CSMD1: variants seen among roughly 807,000 people sequenced by gnomAD.
CSMD1 encodes the protein CUB and Sushi multiple domains 1.
Under a neutral mutation model 417.5 loss-of-function variants are expected in CSMD1, and 213 were observed. The observed-to-expected ratio is 0.51, with a 90% confidence interval of 0.46 to 0.57. The LOEUF (loss-of-function observed/expected upper bound fraction) is 0.57. Ranked by LOEUF, CSMD1 falls within the 20% of genes least tolerant of loss-of-function variation. CSMD1 has a pLI of 0.00. For missense variants in CSMD1, 6,923 were observed against 4,529.7 expected, an observed-to-expected ratio of 1.53 and a Z score of -15.17; for synonymous variants, 2,862 against 1,736.8, an observed-to-expected ratio of 1.65 and a Z score of -16.11.
chr8:3,799,272 G>C (rs1053659981), intron 5 of CSMD1, among the ~76,000 whole-genome samples: 2 of 151,128 alleles, frequency 1.3e-5, no homozygotes, highest in African/African-American at 2.4e-5. Context: ...TATACTTTAA[G>C]TTCTAGGGTA....
At chr8:3,567,650 G>C (rs1799771702) in intron 10 of CSMD1, among the ~76,000 whole-genome samples, 1 of 151,934 alleles carries the variant, frequency 6.6e-6, no homozygotes, top group Non-Finnish European at 1.5e-5. Context: ...TCCCAGCCTT[G>C]TTTACCGACA....
intron 50 of CSMD1, among the ~76,000 whole-genome samples, chr8:3,047,018 G>A (rs1471122309): frequency 6.6e-6 from 1 of 152,022 alleles, no homozygotes; most frequent in East Asian, 1.9e-4. Flanking sequence ...GACCAGCCTG[G>A]CCAACATGGT....
intron 3 of CSMD1, among the ~76,000 whole-genome samples, chr8:4,240,624 T>A (rs1192518973): frequency 6.6e-6 from 1 of 152,184 alleles, no homozygotes; most frequent in African/African-American, 2.4e-5. Flanking sequence ...GGCTATCCAA[T>A]CTCATTCCCA....
intron 2 of CSMD1, among the ~76,000 whole-genome samples, chr8:4,429,329 T>A (rs1207360566): frequency 6.6e-6 from 1 of 152,074 alleles, no homozygotes. Flanking sequence ...GAGCTTTACA[T>A]GTGTATATGT....
intron 51 of CSMD1, among the ~76,000 whole-genome samples, chr8:3,023,096 G>A (rs987709168): frequency 8.5e-5 from 13 of 152,224 alleles, no homozygotes; most frequent in Admixed American, 5.9e-4. Flanking sequence ...AAATGACAAT[G>A]ACTACGCTGT....
chr8:4,171,131 A>G (rs1714758), intron 3 of CSMD1, among the ~76,000 whole-genome samples: 1 of 151,758 alleles, frequency 6.6e-6, no homozygotes, highest in Non-Finnish European at 1.5e-5. Context: ...AAGGTGAGGT[A>G]TCCATGCTCC....
chr8:4,906,228 T>A lies in CSMD1; in HGVS notation c.85+88104A>T, dbSNP rs376728835. Among the ~76,000 whole-genome samples, 161 of 152,358 alleles carry A rather than the reference T, an allele frequency of 1.1e-3. 2 individuals carry two copies. In the South Asian group the frequency reaches 0.025, roughly 24 times the overall value. On this transcript the variant is annotated intron_variant, in intron 1 of 69. Transcript: ENST00000635120. The stretch of plus-strand genomic sequence containing the variant: ...CTAGCAGAAGAAACTATTTGCTGTC[T>A]AAATTCTGAAGATGACACTTCCTGA...
At chr8:3,861,389 G>T (rs1412489346) in intron 5 of CSMD1, among the ~76,000 whole-genome samples, 2 of 152,190 alleles carry the variant, frequency 1.3e-5, no homozygotes, top group Admixed American at 1.3e-4. Context: ...AGACAGCATT[G>T]TTCATGGTGA....
At chr8:4,457,426 AG>A (rs1799557977) in intron 2 of CSMD1, among the ~76,000 whole-genome samples, 1 of 152,138 alleles carries the variant, frequency 6.6e-6, no homozygotes, top group Non-Finnish European at 1.5e-5. Context: ...GGGGAGTGAC[AG>A]GGAAAAAACA....
chr8:4,459,582 C>G (rs1799685675), intron 2 of CSMD1, among the ~76,000 whole-genome samples: 1 of 152,160 alleles, frequency 6.6e-6, no homozygotes, highest in Non-Finnish European at 1.5e-5. Flanking sequence ...CATGGAATGG[C>G]TAGTCTAAGA....
At chr8:3,455,535 G>A (rs1307660272) in intron 12 of CSMD1, among the ~76,000 whole-genome samples, 2 of 152,196 alleles carry the variant, frequency 1.3e-5, no homozygotes, top group Non-Finnish European at 1.5e-5. Flanking sequence ...CTAACAGTCA[G>A]GACCCTCAGC....
At chr8:4,097,792 A>T (rs769064704) in intron 3 of CSMD1, among the ~76,000 whole-genome samples, 4 of 152,206 alleles carry the variant, frequency 2.6e-5, no homozygotes, top group Non-Finnish European at 5.9e-5. Context: ...TTTTAGCATG[A>T]TTACAAATGC....
At chr8:4,304,449 C>G (rs1295287388) in intron 3 of CSMD1, among the ~76,000 whole-genome samples, 1 of 152,148 alleles carries the variant, frequency 6.6e-6, no homozygotes, top group Non-Finnish European at 1.5e-5. Flanking sequence ...AGTTAAGTGA[C>G]TTGCTGGAAG....
chr8:3,498,368 C>G (rs1179256647), intron 10 of CSMD1, among the ~76,000 whole-genome samples: 1 of 152,116 alleles, frequency 6.6e-6, no homozygotes, highest in Non-Finnish European at 1.5e-5. Flanking sequence ...ATATCCATCA[C>G]CTCAAATAAT....
At chr8:4,576,625 G>T (rs1799149702) in intron 2 of CSMD1, among the ~76,000 whole-genome samples, 1 of 151,926 alleles carries the variant, frequency 6.6e-6, no homozygotes, top group African/African-American at 2.4e-5. Flanking sequence ...TATATATATA[G>T]CATTTATTAA....
intron 10 of CSMD1, among the ~76,000 whole-genome samples, chr8:3,564,987 G>C (rs1000600808): frequency 4.3e-5 from 6 of 140,060 alleles, no homozygotes; most frequent in Admixed American, 7.1e-5. Flanking sequence ...GGAATGCTGG[G>C]CTTAATACCT....
chr8:4,102,752 G>T (rs1435975821), intron 3 of CSMD1, among the ~76,000 whole-genome samples: 3 of 152,094 alleles, frequency 2.0e-5, no homozygotes, highest in Admixed American at 6.6e-5. Flanking sequence ...AGATATTTTT[G>T]AATTTAATTA....
chr8:3,005,858 G>A (rs1205869317), intron 52 of CSMD1, among the ~76,000 whole-genome samples: 1 of 151,998 alleles, frequency 6.6e-6, no homozygotes, highest in African/African-American at 2.4e-5. Context: ...TTGAAAACGG[G>A]CACAAGACAG....
chr8:4,263,946 G>A lies in CSMD1; in HGVS notation c.415+156007C>T, dbSNP rs149388740. Among the ~76,000 whole-genome samples, 65 of 152,244 alleles carry A rather than the reference G, an allele frequency of 4.3e-4. 1 individual carries two copies. The highest frequency in any genetic ancestry group is 3.1e-3 in the Admixed American group (48 of 15,284). ...TACAGTGTTTTTCTATCTATATAAT[G>A]CAATTTGTCATAGCAGAAGAATCAT... On this transcript the variant is annotated intron_variant, in intron 3 of 69. Coordinates refer to ENST00000635120, the MANE Select transcript of CSMD1 (RefSeq NM_033225.6).
Sources: gnomAD v4.1 joint callset for allele counts (sites outside exome capture counted in the v4.1 genomes callset) on GRCh38, gnomAD v4.1.1 for gene constraint, MANE v1.5 for transcripts, NCBI Gene and HGNC (gene_info 2026-07-23, HGNC 2026-07-21) for gene names.